COL8A1: variants seen among roughly 807,000 people sequenced by gnomAD.
The protein encoded by COL8A1 is collagen alpha-1(VIII) chain.
In COL8A1, 21 loss-of-function variants were observed where a neutral mutation model predicts 42.7. The ratio of observed to expected loss-of-function variants is 0.49; its 90% CI spans 0.35 to 0.71. The LOEUF (loss-of-function observed/expected upper bound fraction) is 0.71. Ranked by LOEUF, COL8A1 falls within the 30% of genes least tolerant of loss-of-function variation. The pLI is 0.01. For synonymous variants in COL8A1, 367 were observed against 369.1 expected (o/e 0.99, Z 0.06); for missense variants, 788 against 962.4 (o/e 0.82, Z 2.40).
chr3:99,682,300 C>G (rs1339739227), intron 1 of COL8A1, among the ~76,000 whole-genome samples: 1 of 151,992 alleles, frequency 6.6e-6, no homozygotes, highest in Non-Finnish European at 1.5e-5. Flanking sequence ...GCCTGTAATC[C>G]CAGCTACTCG....
At chr3:99,713,206 C>T (rs1939897288) in intron 1 of COL8A1, among the ~76,000 whole-genome samples, 4 of 152,046 alleles carry the variant, frequency 2.6e-5, no homozygotes, top group Admixed American at 2.6e-4. Context: ...CAGAGAAATT[C>T]AAGTAACTTG....
At chr3:99,728,204 C>T (rs1274933714) in intron 1 of COL8A1, among the ~76,000 whole-genome samples, 1 of 152,002 alleles carries the variant, frequency 6.6e-6, no homozygotes, top group Non-Finnish European at 1.5e-5. Context: ...GTCAAATTGT[C>T]CCTGTTTGCA....
intron 1 of COL8A1, among the ~76,000 whole-genome samples, chr3:99,667,179 T>G (rs1938392378): frequency 6.6e-6 from 1 of 152,174 alleles, no homozygotes; most frequent in Non-Finnish European, 1.5e-5. Flanking sequence ...TCCTACAGTT[T>G]CCTATCAAAT....
chr3:99,650,291 A>C (rs1937801106), intron 1 of COL8A1, among the ~76,000 whole-genome samples: 1 of 152,224 alleles, frequency 6.6e-6, no homozygotes, highest in Admixed American at 6.5e-5. Context: ...AAATGTCAGT[A>C]ATATGTCACC....
intron 2 of COL8A1, among the ~76,000 whole-genome samples, chr3:99,782,379 AATTATT>A (rs772478412): frequency 2.0e-5 from 3 of 151,820 alleles, no homozygotes; most frequent in East Asian, 3.9e-4. Flanking sequence ...AAGTTCCTAA[AATTATT>A]ATTATTATTT....
chr3:99,780,100 T>A (rs1941768065), intron 2 of COL8A1, among the ~76,000 whole-genome samples: 1 of 152,244 alleles, frequency 6.6e-6, no homozygotes, highest in South Asian at 2.1e-4. Flanking sequence ...TTTTCTTTTT[T>A]TTAATTTAAA....
intron 3 of COL8A1, among the ~76,000 whole-genome samples, chr3:99,791,936 G>C (rs1270490224): frequency 6.6e-6 from 1 of 152,176 alleles, no homozygotes; most frequent in African/African-American, 2.4e-5. Context: ...AAAGTGCTGA[G>C]TAAATGCTAA....
At chr3:99,690,727 T>A (rs1395739700) in intron 1 of COL8A1, among the ~76,000 whole-genome samples, 1 of 152,228 alleles carries the variant, frequency 6.6e-6, no homozygotes, top group Non-Finnish European at 1.5e-5. Flanking sequence ...TGGGCCCTAG[T>A]CATCTAAAAA....
intron 1 of COL8A1, among the ~76,000 whole-genome samples, chr3:99,710,391 A>T (rs1017239512): frequency 5.3e-5 from 8 of 152,174 alleles, no homozygotes; most frequent in African/African-American, 1.9e-4. Flanking sequence ...AAGCACCAAT[A>T]GGAGGATTTA....
intron 2 of COL8A1, among the ~76,000 whole-genome samples, chr3:99,770,344 C>T (rs185142356): frequency 1.3e-5 from 2 of 152,162 alleles, no homozygotes; most frequent in Non-Finnish European, 2.9e-5. Flanking sequence ...TTACCTTCAC[C>T]TTAAAATACT....
At chr3:99,650,704 G>C (rs1937817953) in intron 1 of COL8A1, among the ~76,000 whole-genome samples, 1 of 152,132 alleles carries the variant, frequency 6.6e-6, no homozygotes, top group African/African-American at 2.4e-5. Flanking sequence ...AAAGTGCTAG[G>C]ACTACTAAGC....
chr3:99,757,254 G>A (rs1420961552), intron 2 of COL8A1, among the ~76,000 whole-genome samples: 2 of 152,120 alleles, frequency 1.3e-5, no homozygotes, highest in East Asian at 1.9e-4. Context: ...ATTTTGTCAG[G>A]TGAAACCTAA....
chr3:99,652,741 A>C lies in COL8A1; in HGVS notation c.-129+14077A>C, dbSNP rs187413877. Reference sequence around the variant, plus strand: ...AACATGTCTTGATGGGCTAGTCAGCAGGAATAGTTTTGTAGGTTATCTTCT... The same window carrying C: ...AACATGTCTTGATGGGCTAGTCAGCCGGAATAGTTTTGTAGGTTATCTTCT... On this transcript the variant is annotated intron_variant, in intron 1 of 3. Transcript: ENST00000652472. Among the ~76,000 whole-genome samples, 93 of 152,352 alleles carry C rather than the reference A, an allele frequency of 6.1e-4. 1 individual carries two copies. Among genetic ancestry groups the C allele is most frequent in the South Asian group, 1.0e-3 (5 of 4,832 alleles).
rs1454965432 is a variant in COL8A1 at position 99,799,114 on chromosome 3, G to GT, written c.*2981dup. ...TGAACGGTGAACAGACTGGTAACTT[G>GT]TTTGAGTTCCCATGACAGATTTGAG... On this transcript the variant is annotated 3_prime_UTR_variant, in exon 4 of 4. Transcript: ENST00000652472. 1 of 152,184 alleles carries GT rather than the reference G, an allele frequency of 6.6e-6. No individual in the cohort carries two copies. Among genetic ancestry groups the GT allele is most frequent in the African/African-American group, 2.4e-5 (1 of 41,448 alleles). The allele number at this position is 152,184 out of a possible 1,614,324, so 9.4% of individuals were successfully genotyped here.
At chr3:99,734,255 T>A (rs1940625135) in intron 1 of COL8A1, among the ~76,000 whole-genome samples, 1 of 139,618 alleles carries the variant, frequency 7.2e-6, no homozygotes, top group African/African-American at 2.9e-5. Context: ...ATTGCCTAGG[T>A]TTTCTTCTAG....
intron 1 of COL8A1, among the ~76,000 whole-genome samples, chr3:99,645,625 G>C (rs1257678942): frequency 6.6e-6 from 1 of 151,534 alleles, no homozygotes; most frequent in Non-Finnish European, 1.5e-5. Context: ...CGAAGGCAGA[G>C]CAAAGTGTCC....
chr3:99,693,028 G>T lies in COL8A1; in HGVS notation c.-128-51869G>T, dbSNP rs1219273648. ...ATAAAAATTAGCCAGGCGTGGTGGC[G>T]TGTGTTTGTAATCCCAGCTACTTGA... On this transcript the variant is annotated intron_variant, in intron 1 of 3. Transcript: ENST00000652472. Among the ~76,000 whole-genome samples the T allele has an allele frequency of 3.3e-5, 5 of 152,244 alleles. No individual in the cohort carries two copies. The South Asian group carries it at 8.3e-4, about 25-fold the overall frequency.
At chr3:99,683,317 T>C (rs1287109872) in intron 1 of COL8A1, among the ~76,000 whole-genome samples, 1 of 152,062 alleles carries the variant, frequency 6.6e-6, no homozygotes, top group Non-Finnish European at 1.5e-5. Context: ...ACCAATAAAA[T>C]ATCTGTTAAA....
chr3:99,676,930 A>G (rs1938714654), intron 1 of COL8A1, among the ~76,000 whole-genome samples: 1 of 151,896 alleles, frequency 6.6e-6, no homozygotes, highest in South Asian at 2.1e-4. Context: ...TAAAACATCA[A>G]TTTTATGCTG....
Sources: allele counts gnomAD v4.1 joint callset (sites outside exome capture counted in the v4.1 genomes callset), GRCh38; gene constraint gnomAD v4.1.1; transcripts MANE v1.5; gene names NCBI Gene and HGNC (gene_info 2026-07-23, HGNC 2026-07-21).